The following SLC9A9 variants were observed in gnomAD, a reference collection of about 807,000 sequenced individuals.
The protein encoded by SLC9A9 is sodium/hydrogen exchanger 9.
SLC9A9 carries 62 observed loss-of-function variants against 77.8 expected under a neutral mutation model. The ratio of observed to expected loss-of-function variants is 0.80; its 90% CI spans 0.65 to 0.98. The LOEUF is 0.98. Ranked by LOEUF, SLC9A9 falls within the 50% of genes least tolerant of loss-of-function variation. The pLI, the probability that SLC9A9 is intolerant of heterozygous loss-of-function variation, is 0.00. For synonymous variants in SLC9A9, 320 were observed against 283.5 expected, an observed-to-expected ratio of 1.13 and a Z score of -1.29; for missense variants, 775 against 774.9, an observed-to-expected ratio of 1.00 and a Z score of 0.00.
At chr3:143,513,376 C>A (rs2036149581) in intron 9 of SLC9A9, among the ~76,000 whole-genome samples, 1 of 152,252 alleles carries the variant, frequency 6.6e-6, no homozygotes, top group Admixed American at 6.5e-5. Context: ...CTCATCTGTT[C>A]AAGTTTTATC....
chr3:143,692,512 A>G (rs951817418), intron 5 of SLC9A9, among the ~76,000 whole-genome samples: 10 of 152,204 alleles, frequency 6.6e-5, no homozygotes, highest in Non-Finnish European at 1.2e-4. Flanking sequence ...GTGATTGCCC[A>G]TATTTGATAA....
chr3:143,475,596 T>A (rs2035461613), intron 11 of SLC9A9, among the ~76,000 whole-genome samples: 1 of 151,742 alleles, frequency 6.6e-6, no homozygotes, highest in Non-Finnish European at 1.5e-5. Context: ...ATCGAGACCA[T>A]CCTGGCTAAC....
intron 12 of SLC9A9, among the ~76,000 whole-genome samples, chr3:143,442,286 G>A (rs548941221): frequency 1.3e-5 from 2 of 152,308 alleles, no homozygotes; most frequent in Admixed American, 6.5e-5. Context: ...GTGGAGATAC[G>A]CCCTCATGTC....
At chr3:143,468,794 T>C (rs1413402525) in intron 11 of SLC9A9, among the ~76,000 whole-genome samples, 2 of 152,240 alleles carry the variant, frequency 1.3e-5, no homozygotes, top group African/African-American at 4.8e-5. Flanking sequence ...TTTTTTCTTA[T>C]TTTACTTTTT....
Position 143,797,390 on chromosome 3 carries a change from T to C in SLC9A9, c.379-487A>G, listed in dbSNP as rs200370351. Among the ~76,000 whole-genome samples, 9 of 152,290 alleles carry C rather than the reference T, an allele frequency of 5.9e-5. No individual in the cohort carries two copies. The East Asian group carries it at 1.7e-3, about 29-fold the overall frequency. ...TTGTTTATTGGGTTTTACTTAAATG[T>C]CAAAATAAACTTGGCCATAAAGCAA... On this transcript the variant is annotated intron_variant, in intron 2 of 15. Transcript: ENST00000316549.
chr3:143,497,621 A>G (rs2035857194), intron 9 of SLC9A9, among the ~76,000 whole-genome samples: 1 of 152,238 alleles, frequency 6.6e-6, no homozygotes, highest in Non-Finnish European at 1.5e-5. Context: ...AAGAGAAGCC[A>G]GTTCCTGATA....
chr3:143,380,895 C>T (rs761031198), intron 13 of SLC9A9, among the ~76,000 whole-genome samples: 5 of 152,160 alleles, frequency 3.3e-5, no homozygotes, highest in Admixed American at 6.5e-5. Context: ...ATTGGAAAAA[C>T]AAGCATGAAA....
intron 14 of SLC9A9, among the ~76,000 whole-genome samples, chr3:143,358,088 T>TA (rs1160629253): frequency 6.6e-6 from 1 of 151,970 alleles, no homozygotes; most frequent in Non-Finnish European, 1.5e-5. Context: ...ATACGTGGTT[T>TA]CCAAGTATCA....
At chr3:143,842,469 T>G (rs552124963) in intron 1 of SLC9A9, among the ~76,000 whole-genome samples, 1 of 152,354 alleles carries the variant, frequency 6.6e-6, no homozygotes, top group East Asian at 1.9e-4. Context: ...TTATTTTCCC[T>G]GTCTCTGGCA....
At chr3:143,565,116 A>G (rs1269780610) in intron 8 of SLC9A9, among the ~76,000 whole-genome samples, 3 of 152,110 alleles carry the variant, frequency 2.0e-5, no homozygotes, top group Admixed American at 1.3e-4. Context: ...CCAGTTGCCC[A>G]CTGTACTTTT....
chr3:143,562,760 G>A (rs2037108126), intron 8 of SLC9A9, among the ~76,000 whole-genome samples: 1 of 151,300 alleles, frequency 6.6e-6, no homozygotes, highest in Admixed American at 6.6e-5. Context: ...ATCCTTAAAT[G>A]CAACTCTTAC....
At chr3:143,718,937 CA>C (rs1231616189) in intron 4 of SLC9A9, among the ~76,000 whole-genome samples, 1 of 152,176 alleles carries the variant, frequency 6.6e-6, no homozygotes, top group Non-Finnish European at 1.5e-5. Flanking sequence ...CTTAGCCCCT[CA>C]GTTGTCAGTC....
chr3:143,393,303 A>T (rs187818197), intron 12 of SLC9A9, among the ~76,000 whole-genome samples: 1 of 152,220 alleles, frequency 6.6e-6, no homozygotes, highest in Non-Finnish European at 1.5e-5. Context: ...AACTCACTCA[A>T]AACCACTCAA....
chr3:143,301,089 A>C (rs1419788776), intron 14 of SLC9A9, among the ~76,000 whole-genome samples: 1 of 152,132 alleles, frequency 6.6e-6, no homozygotes, highest in Non-Finnish European at 1.5e-5. Context: ...AAATCTTTTC[A>C]TGTGTATGTT....
intron 14 of SLC9A9, among the ~76,000 whole-genome samples, chr3:143,331,056 A>G (rs574497084): frequency 6.6e-6 from 1 of 152,346 alleles, no homozygotes; most frequent in South Asian, 2.1e-4. Context: ...TTTAGTTAAT[A>G]GAGTACAGCA....
intron 4 of SLC9A9, among the ~76,000 whole-genome samples, chr3:143,701,548 G>C (rs1933802398): frequency 6.6e-6 from 1 of 152,078 alleles, no homozygotes; most frequent in Admixed American, 6.6e-5. Context: ...TTCAACAGCA[G>C]AATTGATCAA....
intron 13 of SLC9A9, among the ~76,000 whole-genome samples, chr3:143,370,626 C>A (rs140117217): frequency 1.3e-4 from 20 of 149,744 alleles, no homozygotes; most frequent in Middle Eastern, 3.5e-3. Flanking sequence ...TTTCCTGGAA[C>A]AAGAAGATCC....
At chr3:143,797,546 C>G (rs888277444) in intron 2 of SLC9A9, among the ~76,000 whole-genome samples, 4 of 152,030 alleles carry the variant, frequency 2.6e-5, no homozygotes, top group Admixed American at 2.6e-4. Flanking sequence ...GTGAAAATGG[C>G]CGGTTCCTGC....
intron 8 of SLC9A9, among the ~76,000 whole-genome samples, chr3:143,573,853 G>T (rs1162200997): frequency 6.6e-6 from 1 of 152,208 alleles, no homozygotes; most frequent in Non-Finnish European, 1.5e-5. Flanking sequence ...CCAGCCAGGA[G>T]AAGAGAGGAA....
Sources: allele counts gnomAD v4.1 joint callset (sites outside exome capture counted in the v4.1 genomes callset), GRCh38; gene constraint gnomAD v4.1.1; transcripts MANE v1.5; gene names NCBI Gene and HGNC (gene_info 2026-07-23, HGNC 2026-07-21).